Variants in MAGI2 observed in about 807,000 individuals in gnomAD.
The protein encoded by MAGI2 is membrane associated guanylate kinase, WW and PDZ domain containing 2, also known as membrane-associated guanylate kinase, WW and PDZ domain-containing protein 2.
MAGI2 carries 35 observed loss-of-function variants against 133.3 expected under a neutral mutation model. That is an observed-to-expected ratio of 0.26 (90% CI 0.20 to 0.35). The LOEUF (loss-of-function observed/expected upper bound fraction) is 0.35, where lower values mean the gene tolerates loss of function less well. Ranked by LOEUF, MAGI2 falls within the 10% of genes least tolerant of loss-of-function variation. The pLI, the probability that MAGI2 is intolerant of heterozygous loss-of-function variation, is 1.00. For missense variants in MAGI2, 1,636 were observed against 1,863.4 expected (o/e 0.88, Z 2.25); for synonymous variants, 729 against 710.6 (o/e 1.03, Z -0.41).
At chr7:78,928,776 A>G (rs940899439) in intron 2 of MAGI2, among the ~76,000 whole-genome samples, 2 of 152,076 alleles carry the variant, frequency 1.3e-5, no homozygotes, top group East Asian at 3.9e-4. Context: ...AGAGAACAGC[A>G]ATGGTCATTA....
chr7:78,894,448 G>T (rs1030784771), intron 2 of MAGI2, among the ~76,000 whole-genome samples: 10 of 152,032 alleles, frequency 6.6e-5, no homozygotes, highest in African/African-American at 2.4e-4. Context: ...GAAAATTGGG[G>T]CCCAGGATTA....
intron 6 of MAGI2, among the ~76,000 whole-genome samples, chr7:78,429,727 T>G (rs1047962045): frequency 1.3e-5 from 2 of 151,900 alleles, no homozygotes; most frequent in African/African-American, 4.8e-5. Flanking sequence ...TTAATAATAA[T>G]ATAAAGAAAA....
intron 1 of MAGI2, chr7:79,410,306 A>T (rs558382591): frequency 5.3e-5 from 8 of 152,140 alleles, no homozygotes; most frequent in Admixed American, 1.3e-4. Context: ...ATTATTTTTG[A>T]ATCCGGGGCT....
At chr7:78,884,079 T>C (rs1321012967) in intron 2 of MAGI2, among the ~76,000 whole-genome samples, 1 of 151,996 alleles carries the variant, frequency 6.6e-6, no homozygotes. Context: ...ACTCAGAGAA[T>C]GGGAGAAAAT....
intron 2 of MAGI2, among the ~76,000 whole-genome samples, chr7:78,743,706 CACCAAAAGGCTTTAT>C (rs758460946): frequency 3.9e-5 from 6 of 152,178 alleles, no homozygotes; most frequent in Admixed American, 6.5e-5. Context: ...CATGGTCATG[CACCAAAAGGCTTTAT>C]AAGCATAGGT....
intron 1 of MAGI2, among the ~76,000 whole-genome samples, chr7:79,061,663 A>G (rs1185899946): frequency 1.3e-5 from 2 of 152,134 alleles, no homozygotes; most frequent in Non-Finnish European, 2.9e-5. Context: ...AATAAGTTCT[A>G]CTTTGTATGC....
intron 1 of MAGI2, among the ~76,000 whole-genome samples, chr7:79,323,531 G>A (rs1839360901): frequency 6.6e-6 from 1 of 152,122 alleles, no homozygotes; most frequent in Admixed American, 6.6e-5. Context: ...TGTGGATTGT[G>A]AGAGTGGAAA....
rs1175941249 is a variant in MAGI2 at position 78,668,294 on chromosome 7, C to T, written c.419-41055G>A. On this transcript the variant is annotated intron_variant, in intron 2 of 21. Coordinates refer to ENST00000354212, the MANE Select transcript of MAGI2 (RefSeq NM_012301.4). Reference sequence around the variant, plus strand: ...GTTCATTGTAGATTCTGGATATTAGCCCTCTGTCAGATGAGTAGGTTGTGA... The same window carrying T: ...GTTCATTGTAGATTCTGGATATTAGTCCTCTGTCAGATGAGTAGGTTGTGA... Among the ~76,000 whole-genome samples, 3 of 151,452 alleles carry T rather than the reference C, an allele frequency of 2.0e-5. 1 individual carries two copies. Among genetic ancestry groups the T allele is most frequent in the African/African-American group, 7.3e-5 (3 of 40,868 alleles).
intron 2 of MAGI2, among the ~76,000 whole-genome samples, chr7:78,674,039 CTTAAA>C (rs1814709152): frequency 6.6e-6 from 1 of 152,068 alleles, no homozygotes; most frequent in Admixed American, 6.5e-5. Context: ...GACCCACTGG[CTTAAA>C]TTAAAAGAGA....
intron 10 of MAGI2, among the ~76,000 whole-genome samples, chr7:78,216,429 T>C (rs576356600): frequency 6.6e-6 from 1 of 152,368 alleles, no homozygotes; most frequent in South Asian, 2.1e-4. Context: ...AACCTTGTAA[T>C]TGGCTTCCCC....
chr7:78,272,509 CTTG>C (rs1794681329), intron 9 of MAGI2, among the ~76,000 whole-genome samples: 1 of 152,078 alleles, frequency 6.6e-6, no homozygotes, highest in Admixed American at 6.5e-5. Context: ...AATTTTCTGT[CTTG>C]TTGGTCTGTC....
At chr7:78,316,533 G>A (rs1250526030) in intron 9 of MAGI2, among the ~76,000 whole-genome samples, 1 of 152,178 alleles carries the variant, frequency 6.6e-6, no homozygotes, top group Non-Finnish European at 1.5e-5. Context: ...AAACAGAGTT[G>A]ATAAAATAAT....
intron 2 of MAGI2, among the ~76,000 whole-genome samples, chr7:78,839,194 T>C (rs1192431216): frequency 6.6e-6 from 1 of 152,022 alleles, no homozygotes; most frequent in Non-Finnish European, 1.5e-5. Context: ...GCATAGGATA[T>C]GATTTTCTGA....
chr7:79,000,633 T>A (rs1193335435), intron 2 of MAGI2, among the ~76,000 whole-genome samples: 1 of 152,184 alleles, frequency 6.6e-6, no homozygotes, highest in Non-Finnish European at 1.5e-5. Context: ...TGTTAGTAAC[T>A]GCTATTCTTA....
intron 1 of MAGI2, among the ~76,000 whole-genome samples, chr7:79,334,956 G>A (rs1186133336): frequency 1.3e-5 from 2 of 152,122 alleles, no homozygotes; most frequent in Non-Finnish European, 2.9e-5. Context: ...TCCGAAAGGA[G>A]TGGTTTTTAA....
At chr7:78,397,064 T>G (rs1385078213) in intron 6 of MAGI2, among the ~76,000 whole-genome samples, 1 of 152,022 alleles carries the variant, frequency 6.6e-6, no homozygotes, top group African/African-American at 2.4e-5. Context: ...TAGAAAGGGA[T>G]GGAAATGGTT....
At chr7:78,969,020 A>G (rs959165363) in intron 2 of MAGI2, among the ~76,000 whole-genome samples, 1 of 152,100 alleles carries the variant, frequency 6.6e-6, no homozygotes, top group Non-Finnish European at 1.5e-5. Context: ...ATAGCTATGT[A>G]AGCTAGAGGC....
intron 2 of MAGI2, among the ~76,000 whole-genome samples, chr7:78,846,705 G>C (rs539050947): frequency 1.3e-5 from 2 of 151,810 alleles, no homozygotes; most frequent in African/African-American, 4.8e-5. Flanking sequence ...CTGCAAAAAC[G>C]AATCAGTTAT....
At chr7:78,523,637 C>T (rs1251789210) in intron 3 of MAGI2, among the ~76,000 whole-genome samples, 1 of 152,154 alleles carries the variant, frequency 6.6e-6, no homozygotes, top group East Asian at 1.9e-4. Context: ...CAAGCCCCTT[C>T]TTCACAAGGC....
Sources: gnomAD v4.1 joint callset for allele counts (sites outside exome capture counted in the v4.1 genomes callset) on GRCh38, gnomAD v4.1.1 for gene constraint, MANE v1.5 for transcripts, NCBI Gene and HGNC (gene_info 2026-07-23, HGNC 2026-07-21) for gene names.